EXOC6B: variants seen among roughly 807,000 people sequenced by gnomAD.
EXOC6B encodes exocyst complex component 6B, also known as SEC15 homolog B.
EXOC6B carries 54 observed loss-of-function variants against 113.5 expected under a neutral mutation model. That is an observed-to-expected ratio of 0.48 (90% confidence interval 0.38 to 0.60). The LOEUF (loss-of-function observed/expected upper bound fraction) is 0.60, where lower values mean the gene tolerates loss of function less well. EXOC6B is among the 20% of genes least tolerant of loss of function. The pLI is 0.00. For missense variants in EXOC6B, 797 were observed against 977.5 expected, an observed-to-expected ratio of 0.82 and a Z score of 2.46; for synonymous variants, 357 against 339.0, an observed-to-expected ratio of 1.05 and a Z score of -0.58.
chr2:72,538,558 C>T (rs1481584717), intron 8 of EXOC6B, among the ~76,000 whole-genome samples: 1 of 152,078 alleles, frequency 6.6e-6, no homozygotes, highest in Non-Finnish European at 1.5e-5. Context: ...CACTTAACAG[C>T]ACATCTTGAT....
chr2:72,443,334 A>G (rs561205474), intron 18 of EXOC6B, among the ~76,000 whole-genome samples: 1,596 of 151,486 alleles, frequency 0.011, 39 homozygotes, highest in African/African-American at 0.036. Flanking sequence ...AAAAAAAAAA[A>G]AAAGAAAGAA....
At chr2:72,645,207 T>C (rs566647235) in intron 6 of EXOC6B, among the ~76,000 whole-genome samples, 2 of 152,266 alleles carry the variant, frequency 1.3e-5, no homozygotes, top group South Asian at 4.1e-4. Flanking sequence ...CATTACCTAA[T>C]GGCAAAAAGA....
At chr2:72,776,331 T>A (rs1683697951) in intron 1 of EXOC6B, among the ~76,000 whole-genome samples, 1 of 152,184 alleles carries the variant, frequency 6.6e-6, no homozygotes, top group East Asian at 1.9e-4. Context: ...AATGTTAACC[T>A]TCTGGCCAGG....
At chr2:72,311,051 C>T (rs1269436044) in intron 20 of EXOC6B, among the ~76,000 whole-genome samples, 2 of 152,156 alleles carry the variant, frequency 1.3e-5, no homozygotes, top group African/African-American at 4.8e-5. Context: ...TTCTATACTG[C>T]ATTCTGCTAT....
intron 8 of EXOC6B, among the ~76,000 whole-genome samples, chr2:72,537,009 G>C (rs980344137): frequency 2.0e-5 from 3 of 151,994 alleles, no homozygotes; most frequent in Admixed American, 6.6e-5. Flanking sequence ...ACATATTTTA[G>C]GTTAATTTCT....
intron 18 of EXOC6B, among the ~76,000 whole-genome samples, chr2:72,422,246 G>T (rs987090844): frequency 4.6e-5 from 7 of 152,238 alleles, no homozygotes; most frequent in African/African-American, 1.7e-4. Context: ...AGCTCCACCT[G>T]CAGCCCCAGT....
intron 18 of EXOC6B, among the ~76,000 whole-genome samples, chr2:72,415,848 T>G (rs1427258854): frequency 2.0e-5 from 3 of 152,184 alleles, no homozygotes; most frequent in Non-Finnish European, 4.4e-5. Flanking sequence ...ATTATTAAAG[T>G]GCAGAGAAAA....
chr2:72,355,585 G>A (rs951958780), intron 19 of EXOC6B, among the ~76,000 whole-genome samples: 9 of 152,102 alleles, frequency 5.9e-5, no homozygotes, highest in African/African-American at 2.2e-4. Context: ...TTCCACATGT[G>A]CAGTGCACTG....
At chr2:72,767,567 T>C (rs921743869) in intron 1 of EXOC6B, among the ~76,000 whole-genome samples, 1 of 151,524 alleles carries the variant, frequency 6.6e-6, no homozygotes, top group African/African-American at 2.4e-5. Flanking sequence ...CCCAACACTT[T>C]GGGAGGCGAG....
At chr2:72,369,158 T>G (rs1300749458) in intron 19 of EXOC6B, among the ~76,000 whole-genome samples, 4 of 152,146 alleles carry the variant, frequency 2.6e-5, no homozygotes, top group African/African-American at 7.2e-5. Context: ...ATAAGCAACT[T>G]CAGCAAAGTC....
chr2:72,512,371 G>A lies in EXOC6B; in HGVS notation c.1167+761C>T, dbSNP rs868060878. On this transcript the variant is annotated intron_variant, in intron 11 of 21. Transcript: ENST00000272427. ...AGGAAGGAAGGAAGGAAGGAAAGAA[G>A]GAAGGAAGGAAGGAAGGAAGGAAGG... 5.0e-3 allele frequency among the ~76,000 whole-genome samples: 233 copies of A among 46,838 alleles called. 4 individuals are homozygous for A. Among genetic ancestry groups the A allele is most frequent in the Non-Finnish European group, 6.7e-3 (157 of 23,346 alleles). The allele number at this position is 46,838 out of a possible 152,430, so 30.7% of individuals were successfully genotyped here.
chr2:72,330,435 T>C (rs1018542771), intron 20 of EXOC6B, among the ~76,000 whole-genome samples: 5 of 152,072 alleles, frequency 3.3e-5, no homozygotes, highest in Non-Finnish European at 2.9e-5. Flanking sequence ...AGCCTAATAC[T>C]TAAAAGAGAA....
Position 72,757,839 on chromosome 2 carries a change from A to G in EXOC6B, c.114-16370T>C, listed in dbSNP as rs192332502. 2.6e-4 allele frequency among the ~76,000 whole-genome samples: 40 copies of G among 152,198 alleles called. No individual in the cohort carries two copies. The East Asian group carries it at 3.3e-3, about 12-fold the overall frequency. The stretch of plus-strand genomic sequence containing the variant: ...TTCCATATTCTAACTTCCTCTTGTA[A>G]TTAATCATGATATCAAAATGGTTTT... On this transcript the variant is annotated intron_variant, in intron 1 of 21. Transcript: ENST00000272427.
intron 20 of EXOC6B, among the ~76,000 whole-genome samples, chr2:72,334,073 A>G (rs1688557640): frequency 1.3e-5 from 2 of 151,302 alleles, no homozygotes; most frequent in South Asian, 4.2e-4. Flanking sequence ...TTTTAAACAG[A>G]CAAAAAAAAA....
At chr2:72,439,578 C>T (rs1173155895) in intron 18 of EXOC6B, among the ~76,000 whole-genome samples, 1 of 152,170 alleles carries the variant, frequency 6.6e-6, no homozygotes, top group African/African-American at 2.4e-5. Context: ...AGGTTGGTTG[C>T]ATTCTTCTCT....
chr2:72,202,949 C>A (rs937676029), intron 20 of EXOC6B, among the ~76,000 whole-genome samples: 2 of 152,194 alleles, frequency 1.3e-5, no homozygotes, highest in Admixed American at 6.5e-5. Flanking sequence ...CAAATCCAGA[C>A]CATTCTGCCT....
intron 6 of EXOC6B, among the ~76,000 whole-genome samples, chr2:72,595,437 A>G (rs1473872673): frequency 6.6e-6 from 1 of 150,608 alleles, no homozygotes; most frequent in Non-Finnish European, 1.5e-5. Flanking sequence ...AATTTTGTGT[A>G]GTAAAAGAAA....
At chr2:72,598,844 T>C (rs1670225507) in intron 6 of EXOC6B, among the ~76,000 whole-genome samples, 1 of 152,094 alleles carries the variant, frequency 6.6e-6, no homozygotes, top group East Asian at 1.9e-4. Context: ...AAAATTAGTT[T>C]ACTGAAAAAT....
chr2:72,427,330 C>A (rs1195760563), intron 18 of EXOC6B, among the ~76,000 whole-genome samples: 2 of 152,144 alleles, frequency 1.3e-5, no homozygotes, highest in East Asian at 3.9e-4. Flanking sequence ...GGGAGCCCCA[C>A]CCTCCCAAGC....
Sources: allele counts gnomAD v4.1 joint callset (sites outside exome capture counted in the v4.1 genomes callset), GRCh38; gene constraint gnomAD v4.1.1; transcripts MANE v1.5; gene names NCBI Gene and HGNC (gene_info 2026-07-23, HGNC 2026-07-21).